MSRB3: variants seen among roughly 807,000 people sequenced by gnomAD.
MSRB3 encodes the protein methionine sulfoxide reductase B3, also known as methionine-R-sulfoxide reductase B3.
A neutral mutation model predicts 21.0 loss-of-function variants in MSRB3; 13 were observed. The observed-to-expected ratio is 0.62, with a 90% CI of 0.40 to 0.98. MSRB3 has a LOEUF of 0.98. Ranked by LOEUF, MSRB3 falls within the 50% of genes least tolerant of loss-of-function variation. MSRB3 has a pLI of 0.00. For synonymous variants in MSRB3, 87 were observed against 88.6 expected (o/e 0.98, Z 0.10); for missense variants, 199 against 230.3 (o/e 0.86, Z 0.88).
At chr12:65,306,727 G>T in intron 1 of MSRB3, 1 of 591,034 alleles carries the variant, frequency 1.7e-6, no homozygotes, top group Non-Finnish European at 2.1e-6. Context: ...ACTAGATGGA[G>T]CCCTGGCTAT....
chr12:65,322,319 G>C (rs1874725274), intron 2 of MSRB3, among the ~76,000 whole-genome samples: 3 of 152,100 alleles, frequency 2.0e-5, no homozygotes, highest in South Asian at 4.1e-4. Flanking sequence ...TTATTGTATA[G>C]TTAGAGAAGA....
rs774879831 is a variant in MSRB3 at position 65,453,726 on chromosome 12, A to G, written c.293-2A>G. The G allele has an allele frequency of 1.2e-6, 2 of 1,612,876 alleles. No individual in the cohort carries two copies. The highest frequency in any genetic ancestry group is 3.3e-5 in the Admixed American group (2 of 59,992). ...TTGATTCTTGTGCCTGCTGTGTCCCAGGTTGGCCTTCATTCCACGATGTGA... is the reference window on the plus strand; with the variant it reads ...TTGATTCTTGTGCCTGCTGTGTCCCGGGTTGGCCTTCATTCCACGATGTGA... On this transcript the variant is annotated splice_acceptor_variant, in intron 5 of 6. Transcript: ENST00000308259. LOFTEE classifies it high-confidence loss of function.
intron 6 of MSRB3, among the ~76,000 whole-genome samples, chr12:65,457,781 G>A (rs1883157318): frequency 6.6e-6 from 1 of 151,206 alleles, no homozygotes; most frequent in African/African-American, 2.4e-5. Context: ...ATCAAAAAGT[G>A]GGTGAAGGAT....
intron 5 of MSRB3, among the ~76,000 whole-genome samples, chr12:65,437,241 G>A (rs1001941718): frequency 1.3e-5 from 2 of 151,790 alleles, no homozygotes; most frequent in African/African-American, 4.8e-5. Context: ...GAAGGAGTTT[G>A]ACTTAAGGAG....
chr12:65,355,672 G>A (rs1306256199), intron 4 of MSRB3, among the ~76,000 whole-genome samples: 2 of 151,754 alleles, frequency 1.3e-5, no homozygotes, highest in South Asian at 2.1e-4. Flanking sequence ...AATGGCAGTC[G>A]CATGACTCAT....
intron 5 of MSRB3, among the ~76,000 whole-genome samples, chr12:65,448,376 G>T (rs771970175): frequency 1.3e-5 from 2 of 152,084 alleles, no homozygotes; most frequent in Admixed American, 6.6e-5. Context: ...TTACATTCTA[G>T]TTCAAGAGGC....
At chr12:65,351,539 G>A (rs944060461) in intron 4 of MSRB3, among the ~76,000 whole-genome samples, 2 of 149,472 alleles carry the variant, frequency 1.3e-5, no homozygotes, top group Non-Finnish European at 2.9e-5. Flanking sequence ...TTTTTTGAAG[G>A]GATCAACAAA....
At chr12:65,375,647 C>G (rs1878570136) in intron 5 of MSRB3, among the ~76,000 whole-genome samples, 1 of 151,982 alleles carries the variant, frequency 6.6e-6, no homozygotes. Flanking sequence ...CCATGTTGCC[C>G]AGGCTAGTCT....
chr12:65,348,359 T>A (rs1174878165), intron 4 of MSRB3, among the ~76,000 whole-genome samples: 16 of 152,222 alleles, frequency 1.1e-4, no homozygotes, highest in Middle Eastern at 3.2e-3. Flanking sequence ...CTAGATTTTG[T>A]AGTTTATTTG....
chr12:65,348,328 T>C lies in MSRB3; in HGVS notation c.263+19725T>C, dbSNP rs139623872. 5.3e-3 allele frequency among the ~76,000 whole-genome samples: 813 copies of C among 152,174 alleles called. 5 individuals carry two copies. Among genetic ancestry groups the C allele is most frequent in the African/African-American group, 0.019 (773 of 41,528 alleles). The stretch of plus-strand genomic sequence containing the variant: ...TTTAGTCTTGGGAGGGTGTATGTGT[T>C]GAGGAATTTATCCATTTCTTCTAGA... On this transcript the variant is annotated intron_variant, in intron 4 of 6. Transcript: ENST00000308259.
intron 4 of MSRB3, among the ~76,000 whole-genome samples, chr12:65,368,415 A>G (rs546516472): frequency 9.1e-4 from 139 of 152,302 alleles, no homozygotes; most frequent in African/African-American, 3.3e-3. Context: ...GCATCTTGAG[A>G]GTAATTACCT....
chr12:65,311,083 CTA>C (rs1012885810), intron 2 of MSRB3, among the ~76,000 whole-genome samples: 93 of 152,154 alleles, frequency 6.1e-4, no homozygotes, highest in African/African-American at 2.1e-3. Context: ...TAAACATGTC[CTA>C]TGTTTCATTT....
At chr12:65,279,442 C>G (rs1348226420) in intron 1 of MSRB3, 2 of 151,984 alleles carry the variant, frequency 1.3e-5, no homozygotes, top group Admixed American at 6.5e-5. Flanking sequence ...GCTGCTGCCC[C>G]GCTGCTGGGC....
At chr12:65,419,170 A>C in intron 5 of MSRB3, 8 of 692,848 alleles carry the variant, frequency 1.2e-5, no homozygotes, top group Non-Finnish European at 2.1e-5. Flanking sequence ...GGCCAACTGC[A>C]TGGTGACCAC....
intron 5 of MSRB3, chr12:65,419,313 C>A: frequency 1.3e-6 from 1 of 755,440 alleles, no homozygotes; most frequent in Non-Finnish European, 2.4e-6. Flanking sequence ...GGGCATCTAC[C>A]TCCAAGATCA....
chr12:65,407,250 T>G (rs755919856), intron 5 of MSRB3, among the ~76,000 whole-genome samples: 1 of 152,134 alleles, frequency 6.6e-6, no homozygotes, highest in Non-Finnish European at 1.5e-5. Flanking sequence ...ACCGCAATTT[T>G]TTTTTTTGGT....
chr12:65,437,918 G>C (rs1449365963), intron 5 of MSRB3, among the ~76,000 whole-genome samples: 1 of 151,840 alleles, frequency 6.6e-6, no homozygotes, highest in Non-Finnish European at 1.5e-5. Context: ...TGTTTTGTCT[G>C]CCTGTGGTGT....
intron 5 of MSRB3, among the ~76,000 whole-genome samples, chr12:65,373,820 G>A (rs995230629): frequency 6.6e-6 from 1 of 152,122 alleles, no homozygotes; most frequent in African/African-American, 2.4e-5. Context: ...CTGAAGGAGG[G>A]AGGGCGGAAT....
intron 5 of MSRB3, among the ~76,000 whole-genome samples, chr12:65,398,254 C>T (rs1879923777): frequency 6.6e-6 from 1 of 152,230 alleles, no homozygotes; most frequent in Non-Finnish European, 1.5e-5. Flanking sequence ...TATTTCTCTA[C>T]ATCCTCTCCA....
Sources: gnomAD v4.1 joint callset for allele counts (sites outside exome capture counted in the v4.1 genomes callset) on GRCh38, gnomAD v4.1.1 for gene constraint, MANE v1.5 for transcripts, NCBI Gene and HGNC (gene_info 2026-07-23, HGNC 2026-07-21) for gene names.